IQGAP1: variants seen among roughly 807,000 people sequenced by gnomAD.
The protein encoded by IQGAP1 is IQ motif containing GTPase activating protein 1, also known as ras GTPase-activating-like protein IQGAP1.
In IQGAP1, 66 loss-of-function variants were observed where a neutral mutation model predicts 215.6. The observed-to-expected ratio is 0.31, with a 90% CI of 0.25 to 0.38. The LOEUF (loss-of-function observed/expected upper bound fraction) is 0.38. IQGAP1 is among the 10% of genes least tolerant of loss of function. The probability of loss-of-function intolerance (pLI) is 1.00; values close to 1 mark genes in which losing one functional copy is unlikely to be tolerated. For missense variants in IQGAP1, 1,712 were observed against 1,997.1 expected (o/e 0.86, Z 2.72); for synonymous variants, 772 against 728.7 (o/e 1.06, Z -0.96).
intron 28 of IQGAP1, 25 bp downstream of exon 28, chr15:90,482,306 T>TC: frequency 6.2e-7 from 1 of 1,606,834 alleles, no homozygotes; most frequent in Non-Finnish European, 8.5e-7. Flanking sequence ...GCCGGCAGAC[T>TC]CCTGCCCTTT....
At chr15:90,492,451 C>A in intron 34 of IQGAP1, 94 bp from the exon 35 acceptor site, 44 of 634,536 alleles carry the variant, frequency 6.9e-5, no homozygotes, top group Non-Finnish European at 8.8e-5. Context: ...AGTAGGTAGT[C>A]ATATTTAAGG....
chr15:90,429,523 G>T, intron 3 of IQGAP1, 66 bp from the exon 4 acceptor site: 1 of 1,231,314 alleles, frequency 8.1e-7, no homozygotes, highest in Non-Finnish European at 1.1e-6. Flanking sequence ...CTTTTGCGAA[G>T]AGAGTTTTTA....
At chr15:90,395,763 C>A (rs1964710038) in intron 2 of IQGAP1, among the ~76,000 whole-genome samples, 1 of 152,050 alleles carries the variant, frequency 6.6e-6, no homozygotes, top group Non-Finnish European at 1.5e-5. Context: ...GTGAAAAGAA[C>A]CAAGAAGAGA....
At chr15:90,403,620 A>G (rs1454101425) in intron 2 of IQGAP1, among the ~76,000 whole-genome samples, 2 of 152,136 alleles carry the variant, frequency 1.3e-5, no homozygotes, top group African/African-American at 4.8e-5. Context: ...TGTAAATACA[A>G]ATTACTTTGA....
In IQGAP1 at chr15:90,484,250, A is replaced by G. The variant is rs201215831; in HGVS notation, c.3819A>G (p.Pro1273=). The change falls in exon 30 of 38, where the codon CCA becomes CCG. Residue 1273 remains proline, a synonymous_variant. Coordinates refer to ENST00000268182, the MANE Select transcript of IQGAP1 (RefSeq NM_003870.4). ...RRFFQTACDV[P]ELQDKFNVDE... Reference sequence around the variant, plus strand: ...TTTTCCAAACTGCTTGTGATGTCCCAGAGCTTCAGGATAAATTTAATGTGG... The same window carrying G: ...TTTTCCAAACTGCTTGTGATGTCCCGGAGCTTCAGGATAAATTTAATGTGG... The G allele has an allele frequency of 1.1e-5, 18 of 1,614,008 alleles. No individual in the cohort carries two copies. In the African/African-American group the frequency reaches 2.4e-4, roughly 22 times the overall value.
At position 90,492,675 on chromosome 15, in the gene IQGAP1, T is replaced by A; in HGVS notation, c.4592T>A (p.Ile1531Asn). 6.2e-7 allele frequency: 1 copy of A among 1,612,972 alleles called. No individual in the cohort carries two copies. Among genetic ancestry groups the A allele is most frequent in the Non-Finnish European group, 8.5e-7 (1 of 1,179,718 alleles). ...CAGGTGGATTACTATAAAAGCTATA[T>A]CAAAACCTGCTTGGATAACTTAGCC... ...GEQVDYYKSY[I>N]KTCLDNLASK... The change falls in exon 35 of 38, where the codon ATC becomes AAC. Residue 1531 changes from isoleucine (I) to asparagine (N), a missense_variant. Around this residue, in one of 2 missense-constraint regions of IQGAP1, gnomAD observed 691 missense variants for 923.0 expected, o/e 0.75. Coordinates refer to ENST00000268182, the MANE Select transcript of IQGAP1 (RefSeq NM_003870.4).
intron 29 of IQGAP1, 45 bp from the exon 30 acceptor site, chr15:90,484,175 T>A: frequency 3.8e-6 from 6 of 1,591,104 alleles, no homozygotes; most frequent in Middle Eastern, 1.7e-4. Flanking sequence ...GCCAACTTCA[T>A]GTGTATGTCC....
chr15:90,483,169 A>G (rs1475245727), intron 28 of IQGAP1, 192 bp from the exon 29 acceptor site: 2 of 557,216 alleles, frequency 3.6e-6, no homozygotes, highest in Non-Finnish European at 6.4e-6. Context: ...TATTGAACAA[A>G]GGGATATTTC....
chr15:90,411,411 G>A (rs1245858573), intron 2 of IQGAP1, among the ~76,000 whole-genome samples: 1 of 152,076 alleles, frequency 6.6e-6, no homozygotes, highest in Non-Finnish European at 1.5e-5. Flanking sequence ...CTCCCAAAGT[G>A]CTGGGATTAT....
intron 9 of IQGAP1, among the ~76,000 whole-genome samples, chr15:90,447,779 A>T (rs1478250560): frequency 6.6e-6 from 1 of 152,134 alleles, no homozygotes; most frequent in Non-Finnish European, 1.5e-5. Context: ...TTTAATCTTA[A>T]AAATATTCCT....
At chr15:90,415,233 T>C (rs982144462) in intron 2 of IQGAP1, among the ~76,000 whole-genome samples, 2 of 152,242 alleles carry the variant, frequency 1.3e-5, no homozygotes, top group Non-Finnish European at 2.9e-5. Flanking sequence ...TTATGAATTT[T>C]TAAATTTGTG....
intron 9 of IQGAP1, among the ~76,000 whole-genome samples, chr15:90,447,037 T>C (rs1274601792): frequency 6.6e-6 from 1 of 152,240 alleles, no homozygotes; most frequent in Non-Finnish European, 1.5e-5. Flanking sequence ...GTCTAGTTTG[T>C]TATCTACATT....
chr15:90,445,905 C>T (rs1327567885), intron 9 of IQGAP1, among the ~76,000 whole-genome samples: 1 of 150,716 alleles, frequency 6.6e-6, no homozygotes, highest in Non-Finnish European at 1.5e-5. Context: ...GATCTCGGCT[C>T]ACTGCAACCT....
Position 90,483,375 on chromosome 15 carries a change from G to T in IQGAP1, c.3570G>T (p.Leu1190Phe), listed in dbSNP as rs77416140. 6.2e-7 allele frequency: 1 copy of T among 1,613,224 alleles called. No homozygotes were observed. Among genetic ancestry groups the T allele is most frequent in the Non-Finnish European group, 8.5e-7 (1 of 1,179,284 alleles). ...EDELLKIIGN[L>F]LYYRYMNPAI... Reference sequence around the variant, plus strand: ...GTCTGTTCCAGATTATTGGTAACTTGCTTTATTATCGATACATGAATCCAG... The same window carrying T: ...GTCTGTTCCAGATTATTGGTAACTTTCTTTATTATCGATACATGAATCCAG... The change falls in exon 29 of 38, where the codon TTG (leucine) becomes TTT (phenylalanine). Residue 1190 changes from leucine to phenylalanine, a missense_variant. Transcript: ENST00000268182.
intron 2 of IQGAP1, among the ~76,000 whole-genome samples, chr15:90,420,245 C>T (rs1349591779): frequency 6.6e-6 from 1 of 152,066 alleles, no homozygotes. Context: ...TTGGAAGATC[C>T]TGTTAGCCTT....
At chr15:90,422,646 GTA>G (rs1176836911) in intron 2 of IQGAP1, among the ~76,000 whole-genome samples, 795 of 60,220 alleles carry the variant, frequency 0.013, 17 homozygotes, top group African/African-American at 0.05. Context: ...ATATGTATAT[GTA>G]TATATATATA....
At chr15:90,439,478 GA>G in intron 6 of IQGAP1, 79 bp downstream of exon 6, 2 of 1,114,924 alleles carry the variant, frequency 1.8e-6, no homozygotes, top group Non-Finnish European at 2.7e-6. Context: ...CAATTTTGAA[GA>G]CCTAGGGCTT....
chr15:90,414,222 A>T (rs1965010988), intron 2 of IQGAP1, among the ~76,000 whole-genome samples: 1 of 151,850 alleles, frequency 6.6e-6, no homozygotes, highest in South Asian at 2.1e-4. Context: ...TGGGAGATGG[A>T]GAAGGGGGCG....
intron 18 of IQGAP1, among the ~76,000 whole-genome samples, chr15:90,471,158 G>A (rs575168523): frequency 1.3e-4 from 20 of 152,102 alleles, no homozygotes; most frequent in Non-Finnish European, 2.4e-4. Flanking sequence ...ACCAGAGGCT[G>A]CAATAGTGTA....
Sources: allele counts gnomAD v4.1 joint callset (sites outside exome capture counted in the v4.1 genomes callset), GRCh38; gene constraint gnomAD v4.1.1; regional missense constraint gnomAD v4.1.1; transcripts MANE v1.5; gene names NCBI Gene and HGNC (gene_info 2026-07-23, HGNC 2026-07-21).